Variants in NT5M observed in about 807,000 individuals in gnomAD.
NT5M encodes the protein 5'(3')-deoxyribonucleotidase, mitochondrial.
Under a neutral mutation model 22.2 loss-of-function variants are expected in NT5M, and 22 were observed. That is an observed-to-expected ratio of 0.99 (90% CI 0.71 to 1.41). The LOEUF (loss-of-function observed/expected upper bound fraction) is 1.41, where lower values mean the gene tolerates loss of function less well. Ranked by LOEUF, NT5M falls within the 40% of genes most tolerant of loss-of-function variation. The pLI, the probability that NT5M is intolerant of heterozygous loss-of-function variation, is 0.00. For synonymous variants in NT5M, 167 were observed against 133.0 expected, an observed-to-expected ratio of 1.26 and a Z score of -1.76; for missense variants, 322 against 314.8, an observed-to-expected ratio of 1.02 and a Z score of -0.17.
At chr17:17,336,708 A>C (rs973181755) in intron 3 of NT5M, among the ~76,000 whole-genome samples, 1 of 151,526 alleles carries the variant, frequency 6.6e-6, no homozygotes, top group African/African-American at 2.4e-5. Flanking sequence ...GCACCACCAC[A>C]CCTGGCTAAT....
intron 3 of NT5M, among the ~76,000 whole-genome samples, chr17:17,325,531 C>T (rs2049247681): frequency 6.6e-6 from 1 of 152,168 alleles, no homozygotes; most frequent in Non-Finnish European, 1.5e-5. Context: ...CTTCTCATTG[C>T]CAGCATCTTG....
At chr17:17,341,160 A>G (rs1046542526) in intron 3 of NT5M, among the ~76,000 whole-genome samples, 28 of 152,270 alleles carry the variant, frequency 1.8e-4, no homozygotes, top group African/African-American at 6.5e-4. Context: ...TTTTATTCCA[A>G]AAATACATGT....
At chr17:17,305,569 G>C (rs1435518230) in intron 1 of NT5M, among the ~76,000 whole-genome samples, 1 of 152,176 alleles carries the variant, frequency 6.6e-6, no homozygotes, top group Non-Finnish European at 1.5e-5. Context: ...TGTGGTTCCT[G>C]AGAGTGTTGC....
chr17:17,341,689 CA>C (rs1402669521), intron 3 of NT5M, among the ~76,000 whole-genome samples: 1 of 152,178 alleles, frequency 6.6e-6, no homozygotes, highest in Non-Finnish European at 1.5e-5. Context: ...CCAGGAGGCT[CA>C]GGGGGAACCC....
At chr17:17,336,000 C>CTTTTTT (rs1167144502) in intron 3 of NT5M, among the ~76,000 whole-genome samples, 75 of 98,912 alleles carry the variant, frequency 7.6e-4, no homozygotes, top group Non-Finnish European at 9.2e-4. Context: ...CTTATTCATT[C>CTTTTTT]TTTTTTTTTT....
chr17:17,314,427 T>C (rs1203130689), intron 2 of NT5M, among the ~76,000 whole-genome samples: 1 of 152,182 alleles, frequency 6.6e-6, no homozygotes, highest in Non-Finnish European at 1.5e-5. Flanking sequence ...CTTGGCCCAC[T>C]CTTCTTGCTC....
At chr17:17,332,804 A>G (rs920479185) in intron 3 of NT5M, among the ~76,000 whole-genome samples, 10 of 152,156 alleles carry the variant, frequency 6.6e-5, no homozygotes, top group African/African-American at 2.2e-4. Flanking sequence ...CTCAGAGCCC[A>G]TAGTTTACAT....
intron 3 of NT5M, among the ~76,000 whole-genome samples, chr17:17,342,183 A>G (rs750152173): frequency 6.6e-6 from 1 of 152,216 alleles, no homozygotes; most frequent in Non-Finnish European, 1.5e-5. Flanking sequence ...AATATTTGCA[A>G]AATGCATTGT....
intron 2 of NT5M, among the ~76,000 whole-genome samples, chr17:17,314,324 C>G (rs973073046): frequency 6.6e-6 from 1 of 152,114 alleles, no homozygotes; most frequent in Admixed American, 6.6e-5. Context: ...CGTGAGCCAT[C>G]GTGCCCGGCC....
At chr17:17,325,467 A>G (rs1237785555) in intron 3 of NT5M, among the ~76,000 whole-genome samples, 1 of 152,048 alleles carries the variant, frequency 6.6e-6, no homozygotes, top group African/African-American at 2.4e-5. Flanking sequence ...GGTGAGTCCC[A>G]TGTCCCATGG....
At chr17:17,321,198 T>C (rs1469261444) in intron 2 of NT5M, among the ~76,000 whole-genome samples, 3 of 144,230 alleles carry the variant, frequency 2.1e-5, no homozygotes, top group South Asian at 2.2e-4. Flanking sequence ...TGAGGAGTCA[T>C]GGAGAAGGAT....
intron 2 of NT5M, among the ~76,000 whole-genome samples, chr17:17,322,782 G>A (rs1033372211): frequency 1.9e-4 from 28 of 149,194 alleles, no homozygotes; most frequent in African/African-American, 6.7e-4. Context: ...GCCAAGCCAA[G>A]CCAAGGCCAA....
At chr17:17,315,129 T>TA (rs564200608) in intron 2 of NT5M, among the ~76,000 whole-genome samples, 5 of 146,974 alleles carry the variant, frequency 3.4e-5, no homozygotes, top group Admixed American at 6.7e-5. Context: ...ATTGTTGATT[T>TA]AAAAAAAAAT....
At chr17:17,314,940 G>A (rs1240705006) in intron 2 of NT5M, among the ~76,000 whole-genome samples, 1 of 152,132 alleles carries the variant, frequency 6.6e-6, no homozygotes, top group Non-Finnish European at 1.5e-5. Flanking sequence ...CCCTGAGTGT[G>A]TACTCTAAGC....
intron 4 of NT5M, among the ~76,000 whole-genome samples, chr17:17,346,151 C>T (rs537689630): frequency 1.1e-4 from 17 of 151,740 alleles, no homozygotes; most frequent in Non-Finnish European, 1.8e-4. Context: ...ACCCCACCCT[C>T]CCCAGCCTCG....
At chr17:17,330,742 C>CTTTTTTTTTTTTTTTT in intron 3 of NT5M, among the ~76,000 whole-genome samples, 1 of 118,724 alleles carries the variant, frequency 8.4e-6, no homozygotes, top group Non-Finnish European at 1.7e-5. Context: ...TTCTTTCTTT[C>CTTTTTTTTTTTTTTTT]TTTTTTTTTT....
In NT5M at chr17:17,347,252, T is replaced by C. The variant is rs1686926043; in HGVS notation, c.*305T>C. 5.5e-6 allele frequency: 2 copies of C among 364,274 alleles called. No individual in the cohort carries two copies. Among genetic ancestry groups the C allele is most frequent in the South Asian group, 8.9e-5 (2 of 22,436 alleles). The allele number at this position is 364,274 out of a possible 1,614,324, so 22.6% of individuals were successfully genotyped here. A position where few individuals can be genotyped will look rare whatever the true frequency, so the allele number is the denominator to read the frequency against. Reference sequence around the variant, plus strand: ...GACAGGGAGGAGTTGAGGCCACTGTTCAGGGGGCTGGTGGCCGTCTCCACT... The same window carrying C: ...GACAGGGAGGAGTTGAGGCCACTGTCCAGGGGGCTGGTGGCCGTCTCCACT... On this transcript the variant is annotated 3_prime_UTR_variant, in exon 5 of 5. Transcript: ENST00000389022.
intron 2 of NT5M, among the ~76,000 whole-genome samples, chr17:17,308,610 A>G (rs1354119297): frequency 6.6e-6 from 1 of 152,012 alleles, no homozygotes. Flanking sequence ...AAAGAGACAT[A>G]CCGTGCAGTC....
At position 17,323,329 on chromosome 17, in the gene NT5M, G is replaced by A. The variant is rs1331532920; in HGVS notation, c.429+84G>A. On this transcript the variant is annotated intron_variant, in intron 3 of 4. Coordinates refer to ENST00000389022, the MANE Select transcript of NT5M (RefSeq NM_020201.4). ...GGGGCTCAGCCTGCCTGTGGAAAGG[G>A]GATGGACCCTCACAGCACTCCCCCA... 2.6e-6 allele frequency: 3 copies of A among 1,148,134 alleles called. No homozygotes were observed. In the Admixed American group the frequency reaches 5.1e-5, roughly 19 times the overall value. The allele number at this position is 1,148,134 out of a possible 1,614,324, so 71.1% of individuals were successfully genotyped here. A position where few individuals can be genotyped will look rare whatever the true frequency, so the allele number is the denominator to read the frequency against.
Sources: gnomAD v4.1 joint callset for allele counts (sites outside exome capture counted in the v4.1 genomes callset) on GRCh38, gnomAD v4.1.1 for gene constraint, MANE v1.5 for transcripts, NCBI Gene and HGNC (gene_info 2026-07-23, HGNC 2026-07-21) for gene names.